ROBO2: variants seen among roughly 807,000 people sequenced by gnomAD.
The protein encoded by ROBO2 is roundabout guidance receptor 2.
A neutral mutation model predicts 160.8 loss-of-function variants in ROBO2; 53 were observed. The observed-to-expected ratio is 0.33, with a 90% confidence interval of 0.26 to 0.41. The LOEUF (loss-of-function observed/expected upper bound fraction) is 0.41. Ranked by LOEUF, ROBO2 falls within the 10% of genes least tolerant of loss-of-function variation. ROBO2 has a pLI of 1.00. For synonymous variants in ROBO2, 664 were observed against 611.7 expected (o/e 1.09, Z -1.26); for missense variants, 1,577 against 1,722.4 (o/e 0.92, Z 1.49).
At chr3:77,609,012 A>G (rs1242999476) in intron 21 of ROBO2, among the ~76,000 whole-genome samples, 3 of 151,686 alleles carry the variant, frequency 2.0e-5, no homozygotes, top group Non-Finnish European at 4.4e-5. Context: ...ATGTCATAAC[A>G]TTGGCTTCCT....
chr3:77,096,052 A>G (rs971581479), intron 1 of ROBO2, among the ~76,000 whole-genome samples: 22 of 152,174 alleles, frequency 1.4e-4, no homozygotes, highest in African/African-American at 5.1e-4. Context: ...TTCCTCTTCA[A>G]AAAAATAAAG....
At chr3:77,323,517 A>G (rs151079273) in intron 2 of ROBO2, among the ~76,000 whole-genome samples, 4 of 152,198 alleles carry the variant, frequency 2.6e-5, no homozygotes, top group Non-Finnish European at 4.4e-5. Flanking sequence ...AACATGGGCT[A>G]TTTGAGAAAA....
chr3:77,179,093 G>A (rs564409244), intron 2 of ROBO2, among the ~76,000 whole-genome samples: 2 of 151,882 alleles, frequency 1.3e-5, no homozygotes, highest in South Asian at 4.2e-4. Context: ...ACAAAATATT[G>A]CTTAGAAACA....
At chr3:77,607,730 TTGC>T in intron 20 of ROBO2, 65 bp from the exon 22 acceptor site, 2 of 1,388,436 alleles carry the variant, frequency 1.4e-6, no homozygotes, top group South Asian at 2.3e-5. Context: ...TAAATACACC[TTGC>T]CATCTGATGT....
At chr3:77,220,464 T>TGA (rs2151191226) in intron 2 of ROBO2, among the ~76,000 whole-genome samples, 1 of 152,256 alleles carries the variant, frequency 6.6e-6, no homozygotes, top group African/African-American at 2.4e-5. Flanking sequence ...ATGCTTTACA[T>TGA]ATATTAAAAA....
At chr3:76,030,680 T>C (rs1045980140) in intron 2 of ROBO2, among the ~76,000 whole-genome samples, 3 of 152,178 alleles carry the variant, frequency 2.0e-5, no homozygotes, top group African/African-American at 7.2e-5. Context: ...TGGTTGTAGA[T>C]GTGTGATGTT....
intron 2 of ROBO2, among the ~76,000 whole-genome samples, chr3:77,353,355 G>A (rs1236726059): frequency 6.6e-6 from 1 of 152,198 alleles, no homozygotes; most frequent in Admixed American, 6.5e-5. Flanking sequence ...ATAAAGCATA[G>A]TTGGAATTTC....
At chr3:75,939,258 G>A (rs1481469398) in intron 2 of ROBO2, among the ~76,000 whole-genome samples, 1 of 152,120 alleles carries the variant, frequency 6.6e-6, no homozygotes, top group Non-Finnish European at 1.5e-5. Flanking sequence ...GTATCACACA[G>A]GGTTGCTAAA....
At chr3:76,272,937 A>ATATATT (rs1559706459) in intron 2 of ROBO2, among the ~76,000 whole-genome samples, 2 of 23,326 alleles carry the variant, frequency 8.6e-5, no homozygotes, top group Non-Finnish European at 1.4e-4. Flanking sequence ...TTTATATATA[A>ATATATT]ATATATAAAA....
chr3:77,378,871 C>T (rs1056406185), intron 2 of ROBO2, among the ~76,000 whole-genome samples: 1 of 151,894 alleles, frequency 6.6e-6, no homozygotes, highest in African/African-American at 2.4e-5. Context: ...AAAGTCTTCC[C>T]TGGCCATGCT....
intron 2 of ROBO2, among the ~76,000 whole-genome samples, chr3:76,250,680 C>T (rs1705937470): frequency 6.6e-6 from 1 of 151,982 alleles, no homozygotes; most frequent in Non-Finnish European, 1.5e-5. Context: ...AATCTGTTGA[C>T]ATATCTGGTA....
At chr3:77,435,997 G>C (rs564345434) in intron 2 of ROBO2, among the ~76,000 whole-genome samples, 6 of 150,448 alleles carry the variant, frequency 4.0e-5, no homozygotes, top group Non-Finnish European at 8.9e-5. Flanking sequence ...GATTAAGAAT[G>C]ACTTTGTCAT....
At chr3:76,667,742 A>C (rs1316258424) in intron 2 of ROBO2, among the ~76,000 whole-genome samples, 2 of 152,002 alleles carry the variant, frequency 1.3e-5, no homozygotes, top group Non-Finnish European at 2.9e-5. Flanking sequence ...ATTTTAAACT[A>C]TATGTTCCCC....
chr3:77,191,215 G>T (rs1032879644), intron 2 of ROBO2, among the ~76,000 whole-genome samples: 1 of 151,992 alleles, frequency 6.6e-6, no homozygotes, highest in Non-Finnish European at 1.5e-5. Context: ...ATTTTGCTTC[G>T]AGTATATTAT....
chr3:76,383,750 A>G (rs1012118762), intron 2 of ROBO2, among the ~76,000 whole-genome samples: 1 of 152,226 alleles, frequency 6.6e-6, no homozygotes, highest in African/African-American at 2.4e-5. Context: ...AAAACAAAGC[A>G]TACCCAATTC....
chr3:76,452,730 G>A (rs1356004948), intron 2 of ROBO2, among the ~76,000 whole-genome samples: 1 of 152,186 alleles, frequency 6.6e-6, no homozygotes, highest in Non-Finnish European at 1.5e-5. Flanking sequence ...TCTAGTTCTA[G>A]ATCCCTGACG....
chr3:76,774,661 A>G (rs569728503), intron 2 of ROBO2, among the ~76,000 whole-genome samples: 65 of 150,956 alleles, frequency 4.3e-4, no homozygotes, highest in Non-Finnish European at 7.0e-4. Context: ...AGAGACAGAT[A>G]GGAAGCACCC....
intron 2 of ROBO2, among the ~76,000 whole-genome samples, chr3:76,903,861 C>T (rs1420635828): frequency 6.6e-6 from 1 of 152,108 alleles, no homozygotes; most frequent in Non-Finnish European, 1.5e-5. Context: ...GAAACAGGGT[C>T]TGAGTTTGCA....
At chr3:77,291,654 G>C (rs2061282405) in intron 2 of ROBO2, among the ~76,000 whole-genome samples, 1 of 151,628 alleles carries the variant, frequency 6.6e-6, no homozygotes. Flanking sequence ...GATCACCCCA[G>C]ACATAAAGTA....
Sources: allele counts gnomAD v4.1 joint callset (sites outside exome capture counted in the v4.1 genomes callset), GRCh38; gene constraint gnomAD v4.1.1; transcripts MANE v1.5; gene names NCBI Gene and HGNC (gene_info 2026-07-23, HGNC 2026-07-21).